Variants in CHST8 observed in about 807,000 individuals in gnomAD.
CHST8 encodes the protein GALNAC-4-ST1.
In CHST8, 10 loss-of-function variants were observed where a neutral mutation model predicts 15.0. That is an observed-to-expected ratio of 0.67 (90% confidence interval 0.41 to 1.13). The LOEUF (loss-of-function observed/expected upper bound fraction) is 1.13. Among genes scored for constraint, CHST8 ranks in the 50% most tolerant of loss-of-function variants. The pLI is 0.00. For missense variants in CHST8, 634 were observed against 608.2 expected (o/e 1.04, Z -0.45); for synonymous variants, 259 against 256.6 (o/e 1.01, Z -0.09).
At chr19:33,760,872 G>A (rs1974710464) in intron 3 of CHST8, among the ~76,000 whole-genome samples, 2 of 152,140 alleles carry the variant, frequency 1.3e-5, no homozygotes, top group Admixed American at 6.5e-5. Flanking sequence ...TCTCCTCCTT[G>A]CTAGACTGGA....
intron 1 of CHST8, among the ~76,000 whole-genome samples, chr19:33,663,609 G>A (rs551363832): frequency 1.2e-4 from 19 of 152,156 alleles, no homozygotes; most frequent in African/African-American, 4.3e-4. Context: ...AGTGGCTCAC[G>A]CCTGTAATCC....
At chr19:33,704,075 C>G (rs1408128986) in intron 3 of CHST8, among the ~76,000 whole-genome samples, 1 of 152,146 alleles carries the variant, frequency 6.6e-6, no homozygotes, top group Non-Finnish European at 1.5e-5. Flanking sequence ...TTCAGCCCTC[C>G]CCAAAAGGCC....
chr19:33,679,253 G>A (rs1398708626), intron 2 of CHST8, among the ~76,000 whole-genome samples: 6 of 152,194 alleles, frequency 3.9e-5, no homozygotes, highest in Admixed American at 6.5e-5. Flanking sequence ...CTGTGGCTGC[G>A]GATGTCAGAG....
chr19:33,757,442 G>T (rs1332518588), intron 3 of CHST8, among the ~76,000 whole-genome samples: 15 of 24,338 alleles, frequency 6.2e-4, no homozygotes, highest in South Asian at 1.5e-3. Context: ...AAGAAAGAAA[G>T]AAAGAAAGAA....
At chr19:33,718,712 G>T (rs1261637567) in intron 3 of CHST8, among the ~76,000 whole-genome samples, 1 of 152,198 alleles carries the variant, frequency 6.6e-6, no homozygotes, top group Non-Finnish European at 1.5e-5. Flanking sequence ...CAGTCCCTGT[G>T]TTTACCCAGA....
rs185949022 is a variant in CHST8 at position 33,754,386 on chromosome 19, C to T, written c.131-17027C>T. ...TGCTACAGCACTCTAGGCTGCGGGG[C>T]TCTTCCGAGAACACATTTCTCTCTA... On this transcript the variant is annotated intron_variant, in intron 3 of 4. Coordinates refer to ENST00000650847, the MANE Select transcript of CHST8 (RefSeq NM_001127895.2). Among the ~76,000 whole-genome samples, 509 of 152,086 alleles carry T rather than the reference C, an allele frequency of 3.3e-3. 3 individuals are homozygous for T. Among genetic ancestry groups the T allele is most frequent in the African/African-American group, 0.011 (459 of 41,476 alleles).
intron 3 of CHST8, among the ~76,000 whole-genome samples, chr19:33,751,654 T>C (rs1008338870): frequency 2.0e-4 from 31 of 152,220 alleles, no homozygotes; most frequent in African/African-American, 7.2e-4. Flanking sequence ...CAGAGAGTGG[T>C]TACAGCAAGG....
intron 1 of CHST8, among the ~76,000 whole-genome samples, chr19:33,640,373 G>A (rs1211566705): frequency 2.0e-5 from 3 of 152,200 alleles, no homozygotes; most frequent in African/African-American, 2.4e-5. Flanking sequence ...TGTGGTGGAA[G>A]CCATGGCTCC....
At position 33,663,795 on chromosome 19, in the gene CHST8, G is replaced by A. The variant is rs111738461; in HGVS notation, c.-163-3972G>A. On this transcript the variant is annotated intron_variant, in intron 1 of 4. Transcript: ENST00000650847. Reference sequence around the variant, plus strand: ...TGAGGTAGGAGAATCGCTTGAACTCGGGAGGTGGAGTTTGCAGTGAGCCGA... The same window carrying A: ...TGAGGTAGGAGAATCGCTTGAACTCAGGAGGTGGAGTTTGCAGTGAGCCGA... Among the ~76,000 whole-genome samples, 1,363 of 152,182 alleles carry A rather than the reference G, an allele frequency of 9.0e-3. 25 individuals are homozygous for A. Among genetic ancestry groups the A allele is most frequent in the African/African-American group, 0.031 (1,302 of 41,522 alleles).
chr19:33,738,342 A>G (rs1974122747), intron 3 of CHST8, among the ~76,000 whole-genome samples: 1 of 152,230 alleles, frequency 6.6e-6, no homozygotes, highest in Non-Finnish European at 1.5e-5. Flanking sequence ...TGTCCTTTGT[A>G]TCAGATCTGT....
chr19:33,735,995 G>A (rs1974075647), intron 3 of CHST8, among the ~76,000 whole-genome samples: 1 of 152,202 alleles, frequency 6.6e-6, no homozygotes, highest in African/African-American at 2.4e-5. Flanking sequence ...ACTGCTCCCT[G>A]CTGCAGGGCC....
Position 33,757,522 on chromosome 19 carries a change from GAGAAAGAAAGAAAGAAAGAAAGAA to G in CHST8, c.131-13831_131-13808del, listed in dbSNP as rs1218360558. 7.4e-3 allele frequency among the ~76,000 whole-genome samples: 157 copies of G among 21,126 alleles called. 4 individuals carry two copies. The highest frequency in any genetic ancestry group is 0.025 in the Middle Eastern group (1 of 40). 13.9% of individuals were successfully genotyped at this position (21,126 alleles called of 152,430 possible). ...AGAAAGAAAGAAAGAAAGAAAGAAAGAGAAAGAAAGAAAGAAAGAAAGAAAGAAAGAAAGAAAGAAAGAAAGAAA... is the reference window on the plus strand; with the variant it reads ...AGAAAGAAAGAAAGAAAGAAAGAAAGAGAAAGAAAGAAAGAAAGAAAGAAA... On this transcript the variant is annotated intron_variant, in intron 3 of 4. Transcript: ENST00000650847.
At chr19:33,765,557 G>GTGTGTGTC (rs1467364267) in intron 3 of CHST8, among the ~76,000 whole-genome samples, 535 of 72,408 alleles carry the variant, frequency 7.4e-3, no homozygotes, top group African/African-American at 0.028. Flanking sequence ...GTGTGTGTCA[G>GTGTGTGTC]AGAGAGAGAG....
intron 2 of CHST8, among the ~76,000 whole-genome samples, chr19:33,687,202 C>T (rs186641275): frequency 8.3e-4 from 126 of 152,344 alleles, no homozygotes; most frequent in African/African-American, 2.9e-3. Flanking sequence ...GCTTGGGGGA[C>T]GGTAGGGCAT....
intron 1 of CHST8, among the ~76,000 whole-genome samples, chr19:33,626,995 G>T (rs1972062133): frequency 6.7e-6 from 1 of 149,584 alleles, no homozygotes; most frequent in South Asian, 2.1e-4. Context: ...TCCCTATGTT[G>T]TCCAAGCTCA....
In CHST8 at chr19:33,689,405, C is replaced by T; in HGVS notation, c.130+14C>T. On this transcript the variant is annotated intron_variant, in intron 3 of 4. Transcript: ENST00000650847. ...AGCAGGTGCCAGGTGAGTCCTTGCG[C>T]TGAGTCCTGCCATCACTGCCCCCAG... is the stretch of plus-strand genomic sequence containing the variant. The T allele has an allele frequency of 6.4e-7, 1 of 1,571,330 alleles. No homozygotes were observed. The highest frequency in any genetic ancestry group is 8.6e-7 in the Non-Finnish European group (1 of 1,162,726).
intron 3 of CHST8, among the ~76,000 whole-genome samples, chr19:33,741,551 T>C (rs1974194480): frequency 1.3e-5 from 2 of 151,956 alleles, no homozygotes; most frequent in African/African-American, 4.8e-5. Flanking sequence ...CCCACCAACA[T>C]GGTGGTTGCA....
chr19:33,703,411 G>A (rs559669370), intron 3 of CHST8, among the ~76,000 whole-genome samples: 4 of 152,238 alleles, frequency 2.6e-5, no homozygotes, highest in Admixed American at 6.5e-5. Flanking sequence ...CTGTTGCTAC[G>A]ATTGCTGTCC....
intron 3 of CHST8, among the ~76,000 whole-genome samples, chr19:33,770,327 A>G (rs1219720677): frequency 6.6e-6 from 1 of 152,228 alleles, no homozygotes; most frequent in Non-Finnish European, 1.5e-5. Context: ...GCCAGCCAGA[A>G]GATCCAGCTC....
Sources: allele counts gnomAD v4.1 joint callset (sites outside exome capture counted in the v4.1 genomes callset), GRCh38; gene constraint gnomAD v4.1.1; transcripts MANE v1.5; gene names NCBI Gene and HGNC (gene_info 2026-07-23, HGNC 2026-07-21).